TRIM4: variants seen among roughly 807,000 people sequenced by gnomAD.
TRIM4 encodes E3 ubiquitin-protein ligase TRIM4.
Under a neutral mutation model 33.7 loss-of-function variants are expected in TRIM4, and 29 were observed. That is an observed-to-expected ratio of 0.86 (90% CI 0.64 to 1.17). The LOEUF is 1.17. TRIM4 is among the 50% of genes most tolerant of loss of function. The probability of loss-of-function intolerance (pLI) is 0.00; values close to 1 mark genes in which losing one functional copy is unlikely to be tolerated. For synonymous variants in TRIM4, 224 were observed against 233.0 expected, an observed-to-expected ratio of 0.96 and a Z score of 0.35; for missense variants, 554 against 593.7, an observed-to-expected ratio of 0.93 and a Z score of 0.69.
At chr7:99,908,537 T>C (rs1330632934) in intron 3 of TRIM4, 45 bp downstream of exon 3, 3 of 1,450,748 alleles carry the variant, frequency 2.1e-6, no homozygotes, top group Non-Finnish European at 2.8e-6. Flanking sequence ...CAAGAGAGAG[T>C]TCAGTTAGTG....
rs1333027910 is a variant in TRIM4, at chr7:99,891,273, T to TA, written c.*889dup. On this transcript the variant is annotated 3_prime_UTR_variant, in exon 6 of 6. Transcript: ENST00000349062. ...ACCAGCTGGCCAATACTGAGCTAGT[T>TA]ACTCTAAAGAGTTCAGTTTTCTCAT... The TA allele has an allele frequency of 6.6e-6, 1 of 152,234 alleles. No homozygotes were observed. Among genetic ancestry groups the TA allele is most frequent in the Non-Finnish European group, 1.5e-5 (1 of 68,048 alleles). 9.4% of individuals were successfully genotyped at this position (152,234 alleles called of 1,614,324 possible).
intron 5 of TRIM4, among the ~76,000 whole-genome samples, chr7:99,895,609 CTAAT>C (rs566300714): frequency 1.6e-3 from 239 of 152,266 alleles, no homozygotes; most frequent in Non-Finnish European, 2.8e-3. Context: ...GATTTATTGC[CTAAT>C]TATTCTAAAA....
chr7:99,909,729 G>GGTT lies in TRIM4; in HGVS notation c.394-70_394-69insAAC, dbSNP rs1563087619. 1.3e-4 allele frequency: 92 copies of GGTT among 725,046 alleles called. 4 individuals carry two copies. The highest frequency in any genetic ancestry group is 3.2e-4 in the Middle Eastern group (1 of 3,108). 44.9% of individuals were successfully genotyped at this position (725,046 alleles called of 1,614,324 possible). A position where few individuals can be genotyped will look rare whatever the true frequency, so the allele number is the denominator to read the frequency against. ...CATCATCATCTTCTTTTTTCTTTTT[G>GGTT]TTTTTTTTTTTTTTTTTTTTTGAGA... On this transcript the variant is annotated intron_variant, in intron 1 of 5. Transcript: ENST00000349062.
intron 5 of TRIM4, among the ~76,000 whole-genome samples, chr7:99,898,048 C>T (rs1819062713): frequency 6.6e-6 from 1 of 152,218 alleles, no homozygotes; most frequent in African/African-American, 2.4e-5. Flanking sequence ...CACAATGGGC[C>T]TGCCATGGGG....
At chr7:99,904,189 A>G (rs1819243051) in intron 3 of TRIM4, among the ~76,000 whole-genome samples, 1 of 152,182 alleles carries the variant, frequency 6.6e-6, no homozygotes, top group South Asian at 2.1e-4. Context: ...GACCCATTTT[A>G]CTTAAAGACA....
Position 99,908,780 on chromosome 7 carries a change from G to A in TRIM4, c.522C>T (p.Ser174=), listed in dbSNP as rs957611685. 1.1e-5 allele frequency: 17 copies of A among 1,614,098 alleles called. No homozygotes were observed. Among genetic ancestry groups the A allele is most frequent in the Admixed American group, 1.7e-5 (1 of 60,014 alleles). Reference sequence around the variant, plus strand: ...AGTTGTGCAGCTTTGAAAACTCCGTGCTGATTCTCATTCGCTGACTCTTTA... The same window carrying A: ...AGTTGTGCAGCTTTGAAAACTCCGTACTGATTCTCATTCGCTGACTCTTTA... ...DKIKSQRMRI[S]TEFSKLHNFL... is the part of the protein sequence containing the mutation. Residue 174 remains serine (S), a synonymous_variant, in exon 3 of 6, where the codon AGC becomes AGT. Transcript: ENST00000349062.
chr7:99,898,812 C>T (rs1819085042), intron 5 of TRIM4, among the ~76,000 whole-genome samples: 1 of 152,140 alleles, frequency 6.6e-6, no homozygotes, highest in African/African-American at 2.4e-5. Context: ...TGTATATATC[C>T]CTATTACTCT....
At chr7:99,916,616 C>G in intron 1 of TRIM4, 1 of 737,816 alleles carries the variant, frequency 1.4e-6, no homozygotes, top group East Asian at 2.5e-5. Flanking sequence ...TCTAATTGAT[C>G]ACCAAGTCAT....
chr7:99,914,497 T>C (rs1361681619), intron 1 of TRIM4, among the ~76,000 whole-genome samples: 1 of 152,186 alleles, frequency 6.6e-6, no homozygotes, highest in South Asian at 2.1e-4. Context: ...ATTGTCACTC[T>C]CCTGCTCAAG....
chr7:99,918,490 C>T (rs1027021868), intron 1 of TRIM4, among the ~76,000 whole-genome samples: 2 of 151,510 alleles, frequency 1.3e-5, no homozygotes, highest in African/African-American at 4.9e-5. Flanking sequence ...GCTTGAACCC[C>T]GGAGGAGGAG....
At chr7:99,903,453 T>C in intron 4 of TRIM4, 123 bp downstream of exon 4, 2 of 1,403,764 alleles carry the variant, frequency 1.4e-6, no homozygotes, top group East Asian at 4.6e-5. Flanking sequence ...GGAGAATTTT[T>C]CCTCAGACCC....
chr7:99,891,821 C>T lies in TRIM4; in HGVS notation c.*342G>A, dbSNP rs1266248504. The T allele has an allele frequency of 4.8e-6, 1 of 206,940 alleles. No individual in the cohort carries two copies. Among genetic ancestry groups the T allele is most frequent in the Non-Finnish European group, 9.7e-6 (1 of 102,656 alleles). 12.8% of individuals were successfully genotyped at this position (206,940 alleles called of 1,614,324 possible). ...AATTTCAACAATTTCACAACGGCAA[C>T]AAAAACTCTGTTTCTTCTACCTTTC... is the stretch of plus-strand genomic sequence containing the variant. On this transcript the variant is annotated 3_prime_UTR_variant, in exon 6 of 6. Transcript: ENST00000349062.
intron 1 of TRIM4, chr7:99,916,754 T>A (rs766007111): frequency 1.3e-6 from 1 of 781,064 alleles, no homozygotes; most frequent in South Asian, 1.3e-5. Context: ...CTTCCATTCA[T>A]CCACGTGGAT....
At position 99,919,360 on chromosome 7, in the gene TRIM4, G is replaced by A. The variant is rs745620602; in HGVS notation, c.42C>T (p.Ile14=). Residue 14 remains isoleucine (I), a synonymous_variant, in exon 1 of 6, where the codon ATC becomes ATT. Coordinates refer to ENST00000349062, the MANE Select transcript of TRIM4 (RefSeq NM_033091.3). ...EDIQEELTCP[I]CLDYFQDPVS... is the part of the protein sequence containing the mutation. ...CCGGGTCCTGGAAATAGTCCAGGCAGATGGGGCAGGTCAACTCCTCCTGGA... is the reference window on the plus strand; with the variant it reads ...CCGGGTCCTGGAAATAGTCCAGGCAAATGGGGCAGGTCAACTCCTCCTGGA... 3 of 1,578,012 alleles carry A rather than the reference G, an allele frequency of 1.9e-6. No individual in the cohort carries two copies. Among genetic ancestry groups the A allele is most frequent in the Non-Finnish European group, 2.6e-6 (3 of 1,163,882 alleles).
Position 99,892,351 on chromosome 7 carries a change from G to C in TRIM4, c.1237C>G (p.Gln413Glu). 4.3e-6 allele frequency: 7 copies of C among 1,614,144 alleles called. No homozygotes were observed. Among genetic ancestry groups the C allele is most frequent in the Non-Finnish European group, 5.9e-6 (7 of 1,180,024 alleles). ...CCCACTCGGTGGAGAGCTGGCTCTT[G>C]CTGGGTGGGAGTTCCAGGGAAGCCT... ...LIGFPGTPTQ[Q>E]EPALHRVGVY... is the part of the protein sequence containing the mutation. Residue 413 changes from glutamine (Q) to glutamate (E), a missense_variant, in exon 6 of 6, where the codon CAA becomes GAA. Coordinates refer to ENST00000349062, the MANE Select transcript of TRIM4 (RefSeq NM_033091.3).
At chr7:99,894,182 A>G (rs559039457) in intron 5 of TRIM4, among the ~76,000 whole-genome samples, 2 of 152,314 alleles carry the variant, frequency 1.3e-5, no homozygotes, top group South Asian at 4.1e-4. Flanking sequence ...GAATTTAGGT[A>G]TCTATGTTCA....
At chr7:99,916,669 T>C (rs1300729049) in intron 1 of TRIM4, 1 of 779,804 alleles carries the variant, frequency 1.3e-6, no homozygotes, top group Admixed American at 1.7e-5. Flanking sequence ...CTCTCCATCA[T>C]CCCTGCCCTG....
intron 1 of TRIM4, 82 bp downstream of exon 1, chr7:99,918,927 C>T: frequency 1.4e-6 from 2 of 1,420,068 alleles, no homozygotes; most frequent in Non-Finnish European, 1.9e-6. Context: ...ACAGCCACTT[C>T]GTGGCTCTTT....
In TRIM4 at chr7:99,909,662, T is replaced by C. The variant is rs1025445082; in HGVS notation, c.394-2A>G. ...ACGCTGAGACTTAAGAAGTTTCTCC[T>C]GCCAGCAGAAACACACACAGGTAAG... On this transcript the variant is annotated splice_acceptor_variant, in intron 1 of 5. Transcript: ENST00000349062. LOFTEE classifies it high-confidence loss of function. 1.2e-6 allele frequency: 2 copies of C among 1,612,002 alleles called. No individual in the cohort carries two copies. Among genetic ancestry groups the C allele is most frequent in the African/African-American group, 2.7e-5 (2 of 74,820 alleles).
Sources: allele counts gnomAD v4.1 joint callset (sites outside exome capture counted in the v4.1 genomes callset), GRCh38; gene constraint gnomAD v4.1.1; transcripts MANE v1.5; gene names NCBI Gene and HGNC (gene_info 2026-07-23, HGNC 2026-07-21).